FGF14: variants seen among roughly 807,000 people sequenced by gnomAD.
FGF14 encodes fibroblast growth factor 14.
A neutral mutation model predicts 25.5 loss-of-function variants in FGF14; 5 were observed. That is an observed-to-expected ratio of 0.20 (90% confidence interval 0.10 to 0.41). FGF14 has a LOEUF of 0.41. FGF14 is among the 10% of genes least tolerant of loss of function. The pLI is 1.00. For missense variants in FGF14, 222 were observed against 320.1 expected (o/e 0.69, Z 2.34); for synonymous variants, 138 against 118.3 (o/e 1.17, Z -1.08).
chr13:102,400,735 C>T lies in FGF14; in HGVS notation c.208+736G>A, dbSNP rs987959048. 2.6e-5 allele frequency among the ~76,000 whole-genome samples: 4 copies of T among 152,224 alleles called. No homozygotes were observed. Among genetic ancestry groups the T allele is most frequent in the African/African-American group, 9.6e-5 (4 of 41,470 alleles). ...GGCCTGGCTCATCCCCACCCCTGGC[C>T]CTGTGGGACCCCGACGCAGGGCTTT... On this transcript the variant is annotated intron_variant, in intron 1 of 4. Transcript: ENST00000376131. This position sits in a 1 kb window ranked among gnomAD's most constrained non-coding sequence, Gnocchi z 4.3.
At chr13:102,355,393 G>A (rs894113330) in intron 1 of FGF14, among the ~76,000 whole-genome samples, 4 of 151,968 alleles carry the variant, frequency 2.6e-5, no homozygotes, top group South Asian at 2.1e-4. Flanking sequence ...GACACATTCC[G>A]AAGAATGAGT....
chr13:101,880,790 G>C (rs1430502493), intron 1 of FGF14, among the ~76,000 whole-genome samples: 1 of 152,120 alleles, frequency 6.6e-6, no homozygotes, highest in African/African-American at 2.4e-5. Flanking sequence ...CACGGTGCTT[G>C]CCACAGAACA....
chr13:102,115,666 A>T (rs188249214), intron 1 of FGF14, among the ~76,000 whole-genome samples: 1 of 152,300 alleles, frequency 6.6e-6, no homozygotes, highest in East Asian at 1.9e-4. Context: ...AACAGCAGAC[A>T]CTGAGAACTG....
At chr13:101,739,555 G>C (rs2036407989) in intron 3 of FGF14, among the ~76,000 whole-genome samples, 1 of 152,236 alleles carries the variant, frequency 6.6e-6, no homozygotes, top group African/African-American at 2.4e-5. Flanking sequence ...ACTAGACTAA[G>C]AGCAGCGTGA....
At chr13:102,305,874 G>C (rs1014280115) in intron 1 of FGF14, among the ~76,000 whole-genome samples, 5 of 152,158 alleles carry the variant, frequency 3.3e-5, no homozygotes, top group African/African-American at 1.2e-4. Context: ...ACATTACAGA[G>C]AAGAACTGCT....
At chr13:102,275,262 T>TCTC (rs1555391875) in intron 1 of FGF14, among the ~76,000 whole-genome samples, 3,829 of 68,854 alleles carry the variant, frequency 0.056, 368 homozygotes, top group Middle Eastern at 0.13. Context: ...CTCTCTCTCT[T>TCTC]TCTCTCTCTC....
At chr13:101,873,983 T>C (rs1159668069) in intron 2 of FGF14, among the ~76,000 whole-genome samples, 1 of 151,886 alleles carries the variant, frequency 6.6e-6, no homozygotes, top group Non-Finnish European at 1.5e-5. Flanking sequence ...AATGTAGATA[T>C]ACACAACAAT....
intron 1 of FGF14, among the ~76,000 whole-genome samples, chr13:102,068,330 G>C (rs960778664): frequency 1.3e-5 from 2 of 152,228 alleles, no homozygotes; most frequent in Admixed American, 6.5e-5. Context: ...CACAGCCCTC[G>C]CTCGCTCTCG....
At chr13:102,100,961 T>C (rs2044633383) in intron 1 of FGF14, among the ~76,000 whole-genome samples, 1 of 152,012 alleles carries the variant, frequency 6.6e-6, no homozygotes, top group Admixed American at 6.6e-5. Flanking sequence ...TAGCCAGGCA[T>C]GATGGTGGGT....
At chr13:101,823,541 G>A (rs948316723) in intron 3 of FGF14, among the ~76,000 whole-genome samples, 4 of 150,682 alleles carry the variant, frequency 2.7e-5, no homozygotes, top group African/African-American at 9.7e-5. Flanking sequence ...AGGTTCAAGC[G>A]ATTCTCCTGC....
At chr13:101,805,633 A>C (rs12866103) in intron 3 of FGF14, among the ~76,000 whole-genome samples, 45,530 of 152,032 alleles carry the variant, frequency 0.3, 7,427 homozygotes, top group Middle Eastern at 0.43. Context: ...CTAATCTGAA[A>C]TATGGCTATA....
chr13:101,757,104 C>A (rs1463938807), intron 3 of FGF14, among the ~76,000 whole-genome samples: 2 of 152,072 alleles, frequency 1.3e-5, no homozygotes, highest in Non-Finnish European at 2.9e-5. Context: ...AAAAGATAAA[C>A]CAAATATGGT....
At chr13:102,218,556 T>C (rs2050472573) in intron 1 of FGF14, among the ~76,000 whole-genome samples, 1 of 151,822 alleles carries the variant, frequency 6.6e-6, no homozygotes, top group Admixed American at 6.6e-5. Context: ...AAAAATCCCA[T>C]CATTCAGGTT....
At position 102,263,614 on chromosome 13, in the gene FGF14, G is replaced by A. The variant is rs542624486; in HGVS notation, c.208+137857C>T. 2.0e-4 allele frequency among the ~76,000 whole-genome samples: 31 copies of A among 152,182 alleles called. No homozygotes were observed. In the South Asian group the frequency reaches 4.6e-3, roughly 22 times the overall value. On this transcript the variant is annotated intron_variant, in intron 1 of 4. Coordinates refer to the FGF14 transcript ENST00000376131. ...TCAGAATTACTAATTTAGGCTCTACGTATTTTCATGGACTCTAATATAATT... is the reference window on the plus strand; with the variant it reads ...TCAGAATTACTAATTTAGGCTCTACATATTTTCATGGACTCTAATATAATT...
chr13:102,169,451 T>C (rs1217777192), intron 1 of FGF14, among the ~76,000 whole-genome samples: 1 of 151,936 alleles, frequency 6.6e-6, no homozygotes, highest in Non-Finnish European at 1.5e-5. Flanking sequence ...CTGAACCATG[T>C]GTAAAAGAAA....
intron 1 of FGF14, among the ~76,000 whole-genome samples, chr13:102,202,040 A>G (rs1009319296): frequency 2.2e-4 from 33 of 151,218 alleles, no homozygotes; most frequent in African/African-American, 8.0e-4. Context: ...AGTGTGTGGC[A>G]CCTCCCCCAA....
chr13:101,767,991 T>C (rs2038514669), intron 3 of FGF14, among the ~76,000 whole-genome samples: 1 of 149,788 alleles, frequency 6.7e-6, no homozygotes. Context: ...GATGCCCATA[T>C]TTGTATTTCA....
chr13:102,231,866 G>A (rs967763450), intron 1 of FGF14, among the ~76,000 whole-genome samples: 1 of 152,164 alleles, frequency 6.6e-6, no homozygotes, highest in Non-Finnish European at 1.5e-5. Flanking sequence ...CCAACTCACA[G>A]GGTCATTATA....
intron 3 of FGF14, among the ~76,000 whole-genome samples, chr13:101,838,886 C>T (rs1299175078): frequency 6.6e-6 from 1 of 152,044 alleles, no homozygotes; most frequent in Non-Finnish European, 1.5e-5. Context: ...GTATTTTCCA[C>T]TTCTTTTCAG....
Sources: allele counts gnomAD v4.1 joint callset (sites outside exome capture counted in the v4.1 genomes callset), GRCh38; gene constraint gnomAD v4.1.1; non-coding constraint Gnocchi (gnomAD v3.1); transcripts MANE v1.5; gene names NCBI Gene and HGNC (gene_info 2026-07-23, HGNC 2026-07-21).